Variants in GRID1 observed in about 807,000 individuals in gnomAD.
GRID1 encodes the protein glutamate receptor ionotropic, delta-1.
GRID1 carries 28 observed loss-of-function variants against 98.0 expected under a neutral mutation model. That is an observed-to-expected ratio of 0.29 (90% confidence interval 0.21 to 0.39). The LOEUF is 0.39. Ranked by LOEUF, GRID1 falls within the 10% of genes least tolerant of loss-of-function variation. GRID1 has a pLI of 1.00. For synonymous variants in GRID1, 553 were observed against 538.5 expected, an observed-to-expected ratio of 1.03 and a Z score of -0.37; for missense variants, 1,111 against 1,340.5, an observed-to-expected ratio of 0.83 and a Z score of 2.67.
chr10:85,623,542 G>T (rs899770472), intron 13 of GRID1, among the ~76,000 whole-genome samples: 2 of 152,162 alleles, frequency 1.3e-5, no homozygotes, highest in Non-Finnish European at 1.5e-5. Flanking sequence ...ACGGGGGGCT[G>T]GGGGGAGGAC....
intron 3 of GRID1, among the ~76,000 whole-genome samples, chr10:86,180,895 A>G (rs1259463574): frequency 6.6e-6 from 1 of 152,216 alleles, no homozygotes; most frequent in African/African-American, 2.4e-5. Flanking sequence ...AAGGCTCTGT[A>G]AGGGAACTGG....
Position 85,613,546 on chromosome 10 carries a change from G to T in GRID1, c.2462C>A (p.Ala821Asp). 6.2e-7 allele frequency: 1 copy of T among 1,614,202 alleles called. No individual in the cohort carries two copies. ...GTGCAGCTTGAGGGATTTGCCGTCG[G>T]CCTGGGCGCTGGCATGGCTGGTGAG... The part of the protein sequence containing the change: ...CDLTSHASAQ[A>D]DGKSLKLHSF... The change falls in exon 15 of 16, where the codon GCC becomes GAC. Residue 821 changes from alanine to aspartate, a missense_variant. Ala to Asp is a moderately radical substitution (Grantham distance 126, BLOSUM62 -2). Coordinates refer to ENST00000327946, the MANE Select transcript of GRID1 (RefSeq NM_017551.3).
intron 7 of GRID1, 57 bp from the exon 8 acceptor site, chr10:85,854,672 C>G: frequency 6.3e-7 from 1 of 1,596,940 alleles, no homozygotes; most frequent in South Asian, 1.1e-5. Context: ...GGATGGAGTC[C>G]CAAAGGCTAA....
intron 4 of GRID1, among the ~76,000 whole-genome samples, chr10:86,060,111 GC>G (rs1843629051): frequency 1.3e-5 from 2 of 152,144 alleles, no homozygotes; most frequent in African/African-American, 4.8e-5. Context: ...CTCCATAACT[GC>G]CAGAAGGGGA....
chr10:85,849,039 C>G (rs188990015), intron 8 of GRID1, among the ~76,000 whole-genome samples: 2 of 152,274 alleles, frequency 1.3e-5, no homozygotes, highest in African/African-American at 4.8e-5. Flanking sequence ...ACCCATATCC[C>G]CCTCCTCACT....
intron 8 of GRID1, among the ~76,000 whole-genome samples, chr10:85,743,592 A>G (rs1204122668): frequency 6.6e-6 from 1 of 152,174 alleles, no homozygotes; most frequent in African/African-American, 2.4e-5. Flanking sequence ...CCAAAACTCA[A>G]GAAAACTACT....
chr10:86,280,070 G>A (rs1430533334), intron 2 of GRID1, among the ~76,000 whole-genome samples: 4 of 152,004 alleles, frequency 2.6e-5, no homozygotes, highest in Non-Finnish European at 4.4e-5. Flanking sequence ...AGGCATAGTG[G>A]TGCACATCTT....
chr10:85,831,871 T>C (rs1001224074), intron 8 of GRID1, among the ~76,000 whole-genome samples: 1 of 151,774 alleles, frequency 6.6e-6, no homozygotes, highest in Non-Finnish European at 1.5e-5. Flanking sequence ...AAAAATAAAT[T>C]ATCTAACCAC....
At chr10:85,670,524 C>A (rs1020686170) in intron 12 of GRID1, among the ~76,000 whole-genome samples, 2 of 152,160 alleles carry the variant, frequency 1.3e-5, no homozygotes, top group African/African-American at 4.8e-5. Flanking sequence ...AAAATGGCAC[C>A]TAGACCCAAA....
At chr10:86,314,903 G>C (rs544812504) in intron 2 of GRID1, among the ~76,000 whole-genome samples, 4 of 152,270 alleles carry the variant, frequency 2.6e-5, no homozygotes, top group South Asian at 2.1e-4. Context: ...AGCCACCAAG[G>C]CTTTGTGTTA....
At chr10:86,144,481 C>T (rs1845056139) in intron 3 of GRID1, among the ~76,000 whole-genome samples, 1 of 152,158 alleles carries the variant, frequency 6.6e-6, no homozygotes, top group Non-Finnish European at 1.5e-5. Flanking sequence ...GGTCCCTCCC[C>T]GCCTCCACAC....
intron 12 of GRID1, chr10:85,648,053 T>A (rs565900303): frequency 6.6e-6 from 1 of 152,292 alleles, no homozygotes; most frequent in Non-Finnish European, 1.5e-5. Context: ...ATAAAAAAAT[T>A]GGATTTTTAT....
intron 2 of GRID1, among the ~76,000 whole-genome samples, chr10:86,245,857 C>T (rs1209383319): frequency 6.6e-6 from 1 of 152,250 alleles, no homozygotes; most frequent in African/African-American, 2.4e-5. Context: ...AAGAAGAAGG[C>T]TGGGGCAGCA....
chr10:86,334,054 GC>G (rs1312948072), intron 2 of GRID1, among the ~76,000 whole-genome samples: 1 of 151,784 alleles, frequency 6.6e-6, no homozygotes, highest in Admixed American at 6.6e-5. Flanking sequence ...GCCAGGGGAA[GC>G]CCCTCACCTC....
chr10:86,004,740 T>TCACA (rs201671134), intron 4 of GRID1, among the ~76,000 whole-genome samples: 7 of 94,268 alleles, frequency 7.4e-5, no homozygotes, highest in African/African-American at 2.4e-4. Flanking sequence ...ACACACACAC[T>TCACA]CACACACACA....
chr10:85,869,308 G>C (rs899538824), intron 5 of GRID1, 128 bp from the exon 6 acceptor site: 3 of 734,902 alleles, frequency 4.1e-6, no homozygotes, highest in Non-Finnish European at 7.2e-6. Flanking sequence ...TTGGGCCCAG[G>C]TCACACAGTT....
At chr10:85,789,887 T>C (rs956284938) in intron 8 of GRID1, among the ~76,000 whole-genome samples, 1 of 152,202 alleles carries the variant, frequency 6.6e-6, no homozygotes, top group East Asian at 1.9e-4. Flanking sequence ...GATCAGGCCC[T>C]GGGACCCTCT....
At chr10:85,675,990 C>T (rs1158710152) in intron 12 of GRID1, among the ~76,000 whole-genome samples, 1 of 152,146 alleles carries the variant, frequency 6.6e-6, no homozygotes, top group Non-Finnish European at 1.5e-5. Context: ...GCAAATTCTG[C>T]CTCCTGTCCT....
At chr10:85,710,154 C>G (rs1841566523) in intron 12 of GRID1, among the ~76,000 whole-genome samples, 1 of 151,904 alleles carries the variant, frequency 6.6e-6, no homozygotes, top group Admixed American at 6.6e-5. Context: ...TCAAGGGACC[C>G]CCAAATAGCC....
Sources: gnomAD v4.1 joint callset for allele counts (sites outside exome capture counted in the v4.1 genomes callset) on GRCh38, gnomAD v4.1.1 for gene constraint, MANE v1.5 for transcripts, NCBI Gene and HGNC (gene_info 2026-07-23, HGNC 2026-07-21) for gene names.